The following CEP128 variants were observed in gnomAD, a reference collection of about 807,000 sequenced individuals.
The protein encoded by CEP128 is centrosomal protein 128.
A neutral mutation model predicts 156.7 loss-of-function variants in CEP128; 132 were observed. The observed-to-expected ratio is 0.84, with a 90% CI of 0.73 to 0.97. The LOEUF (loss-of-function observed/expected upper bound fraction) is 0.97. CEP128 is among the 50% of genes least tolerant of loss of function. The pLI, the probability that CEP128 is intolerant of heterozygous loss-of-function variation, is 0.00. For missense variants in CEP128, 1,252 were observed against 1,281.9 expected, an observed-to-expected ratio of 0.98 and a Z score of 0.36; for synonymous variants, 469 against 448.9, an observed-to-expected ratio of 1.04 and a Z score of -0.57.
chr14:80,730,268 T>G (rs991423344), intron 19 of CEP128, among the ~76,000 whole-genome samples: 1 of 152,228 alleles, frequency 6.6e-6, no homozygotes, highest in Non-Finnish European at 1.5e-5. Flanking sequence ...CATAAACATT[T>G]GACTGTCTAT....
chr14:80,940,339 G>A (rs17111246), intron 1 of CEP128, among the ~76,000 whole-genome samples: 26,854 of 151,984 alleles, frequency 0.18, 2,583 homozygotes, highest in Admixed American at 0.23. Flanking sequence ...TGAGTCATAG[G>A]CACAACCAAA....
Position 80,756,367 on chromosome 14 carries a change from A to G in CEP128, c.2613+525T>C, listed in dbSNP as rs573620126. Reference sequence around the variant, plus strand: ...TAGTTGGCCTTCAAAGGTAAACTTTATCTTTCCATCACCTCCCACCCATGT... The same window carrying G: ...TAGTTGGCCTTCAAAGGTAAACTTTGTCTTTCCATCACCTCCCACCCATGT... On this transcript the variant is annotated intron_variant, in intron 18 of 24. Coordinates refer to ENST00000555265, the MANE Select transcript of CEP128 (RefSeq NM_152446.5). Among the ~76,000 whole-genome samples, 6 of 152,280 alleles carry G rather than the reference A, an allele frequency of 3.9e-5. No individual in the cohort carries two copies. The East Asian group carries it at 7.7e-4, about 20-fold the overall frequency.
chr14:80,811,776 C>T (rs1333061446), intron 13 of CEP128, among the ~76,000 whole-genome samples: 1 of 142,722 alleles, frequency 7.0e-6, no homozygotes, highest in South Asian at 2.2e-4. Flanking sequence ...GTTATTATCT[C>T]TCTTCTGCGT....
At chr14:80,642,580 G>C (rs1894463622) in intron 19 of CEP128, among the ~76,000 whole-genome samples, 1 of 152,108 alleles carries the variant, frequency 6.6e-6, no homozygotes, top group Admixed American at 6.5e-5. Context: ...CTGTTTGGGA[G>C]GCTGAGGCAA....
At chr14:80,738,228 TA>T (rs1297878053) in intron 19 of CEP128, among the ~76,000 whole-genome samples, 1 of 152,212 alleles carries the variant, frequency 6.6e-6, no homozygotes, top group Non-Finnish European at 1.5e-5. Context: ...AACTACATGT[TA>T]GAAAAGATAC....
At chr14:80,481,445 AAGAT>A (rs1335504194) in intron 14 of CEP128, among the ~76,000 whole-genome samples, 1 of 152,198 alleles carries the variant, frequency 6.6e-6, no homozygotes, top group Non-Finnish European at 1.5e-5. Context: ...AATTCAAGTT[AAGAT>A]TTCAGTGGGG....
intron 24 of CEP128, among the ~76,000 whole-genome samples, chr14:80,501,994 C>A (rs1263758764): frequency 2.0e-5 from 3 of 152,160 alleles, no homozygotes; most frequent in African/African-American, 7.2e-5. Flanking sequence ...TTACCACCCT[C>A]ATCCCAGAAA....
intron 19 of CEP128, among the ~76,000 whole-genome samples, chr14:80,648,166 G>GT (rs1278347620): frequency 6.6e-6 from 1 of 151,918 alleles, no homozygotes; most frequent in South Asian, 2.1e-4. Flanking sequence ...CCAGTGTAAT[G>GT]TTTTTTTCAG....
chr14:80,620,835 A>G (rs989821120), intron 19 of CEP128, among the ~76,000 whole-genome samples: 4 of 152,368 alleles, frequency 2.6e-5, no homozygotes, highest in African/African-American at 9.6e-5. Context: ...TACTAAAATC[A>G]TACAAATAGT....
intron 21 of CEP128, among the ~76,000 whole-genome samples, chr14:80,554,002 T>C (rs1283693939): frequency 6.6e-6 from 1 of 152,214 alleles, no homozygotes; most frequent in Non-Finnish European, 1.5e-5. Flanking sequence ...TTTTTCCATA[T>C]GACCTTTATC....
intron 8 of CEP128, among the ~76,000 whole-genome samples, chr14:80,882,467 C>T (rs1172976776): frequency 6.6e-6 from 1 of 152,008 alleles, no homozygotes; most frequent in Admixed American, 6.5e-5. Flanking sequence ...CTACACTGTT[C>T]GTGGGAATGT....
intron 19 of CEP128, among the ~76,000 whole-genome samples, chr14:80,655,885 T>C (rs1895110466): frequency 6.6e-6 from 1 of 152,118 alleles, no homozygotes; most frequent in African/African-American, 2.4e-5. Flanking sequence ...AGGAAGTCCT[T>C]TTTTTGTTTG....
intron 17 of CEP128, among the ~76,000 whole-genome samples, chr14:80,758,827 C>G (rs1899809422): frequency 6.6e-6 from 1 of 152,210 alleles, no homozygotes; most frequent in Non-Finnish European, 1.5e-5. Flanking sequence ...TCTTACCTCA[C>G]TTTATCTTCT....
intron 8 of CEP128, among the ~76,000 whole-genome samples, chr14:80,881,092 T>C (rs563438701): frequency 6.9e-6 from 1 of 144,682 alleles, no homozygotes; most frequent in South Asian, 2.2e-4. Flanking sequence ...TAGAAATAAA[T>C]GAAATTGAAA....
intron 19 of CEP128, among the ~76,000 whole-genome samples, chr14:80,715,055 T>C (rs1004967685): frequency 6.6e-6 from 1 of 152,020 alleles, no homozygotes; most frequent in Non-Finnish European, 1.5e-5. Flanking sequence ...AAACTCCACA[T>C]CTGCAAAAAA....
At chr14:80,699,450 C>A (rs1896997219) in intron 19 of CEP128, among the ~76,000 whole-genome samples, 1 of 152,122 alleles carries the variant, frequency 6.6e-6, no homozygotes, top group Non-Finnish European at 1.5e-5. Flanking sequence ...TTGACTCTCC[C>A]AAGGACACAA....
Position 80,900,040 on chromosome 14 carries a change from C to CA in CEP128, c.481-12dup, listed in dbSNP as rs751659361. On this transcript the variant is annotated splice_polypyrimidine_tract_variant and intron_variant, in intron 6 of 24. Coordinates refer to ENST00000555265, the MANE Select transcript of CEP128 (RefSeq NM_152446.5). ...ATGAAAACCATGAAGCTAGCAAAGGCAAAACACAGTTATCCATTTAGAATT... is the reference window on the plus strand; with the variant it reads ...ATGAAAACCATGAAGCTAGCAAAGGCAAAAACACAGTTATCCATTTAGAATT... 1.3e-6 allele frequency: 2 copies of CA among 1,562,710 alleles called. No individual in the cohort carries two copies. Among genetic ancestry groups the CA allele is most frequent in the African/African-American group, 2.7e-5 (2 of 73,720 alleles).
At chr14:80,754,810 T>C (rs1409169059) in intron 18 of CEP128, among the ~76,000 whole-genome samples, 3 of 152,162 alleles carry the variant, frequency 2.0e-5, no homozygotes, top group African/African-American at 4.8e-5. Flanking sequence ...ATCTGAGACG[T>C]AGTAGTTTCT....
At chr14:80,871,767 T>C (rs1409824156) in intron 8 of CEP128, among the ~76,000 whole-genome samples, 1 of 152,110 alleles carries the variant, frequency 6.6e-6, no homozygotes, top group East Asian at 1.9e-4. Context: ...AAGACTAGAA[T>C]ACCAAAAATT....
Sources: gnomAD v4.1 joint callset for allele counts (sites outside exome capture counted in the v4.1 genomes callset) on GRCh38, gnomAD v4.1.1 for gene constraint, MANE v1.5 for transcripts, NCBI Gene and HGNC (gene_info 2026-07-23, HGNC 2026-07-21) for gene names.